The following GLIS3 variants were observed in gnomAD, a reference collection of about 807,000 sequenced individuals.
GLIS3 encodes zinc finger protein GLIS3.
A neutral mutation model predicts 78.6 loss-of-function variants in GLIS3; 53 were observed. That is an observed-to-expected ratio of 0.67 (90% CI 0.54 to 0.85). GLIS3 has a LOEUF of 0.85. GLIS3 is among the 40% of genes least tolerant of loss of function. The pLI is 0.00. For missense variants in GLIS3, 1,703 were observed against 1,231.1 expected, an observed-to-expected ratio of 1.38 and a Z score of -5.74; for synonymous variants, 684 against 509.9, an observed-to-expected ratio of 1.34 and a Z score of -4.60.
intron 2 of GLIS3, among the ~76,000 whole-genome samples, chr9:4,278,243 A>G (rs1311060634): frequency 6.6e-6 from 1 of 152,164 alleles, no homozygotes; most frequent in Non-Finnish European, 1.5e-5. Context: ...TCCGTAGAAA[A>G]GGCTTACAAG....
chr9:4,345,410 A>G lies in GLIS3; in HGVS notation n.264+1671T>C, dbSNP rs915808879. On this transcript the variant is annotated intron_variant and non_coding_transcript_variant, in intron 2 of 4. Transcript: ENST00000471664. ...TTTTCTTTTTTATGACAATTGACAT[A>G]TATTTTCCATATCTGTTTATTGTCT... Among the ~76,000 whole-genome samples the G allele has an allele frequency of 2.0e-5, 3 of 152,184 alleles. No homozygotes were observed. The South Asian group carries it at 6.2e-4, about 32-fold the overall frequency.
At chr9:4,345,112 C>A (rs1240212444) in intron 2 of GLIS3, among the ~76,000 whole-genome samples, 1 of 152,196 alleles carries the variant, frequency 6.6e-6, no homozygotes, top group African/African-American at 2.4e-5. Context: ...GCAAGTTTCC[C>A]CCTCAGAGCA....
intron 4 of GLIS3, among the ~76,000 whole-genome samples, chr9:3,982,319 A>G (rs1425650934): frequency 6.6e-6 from 1 of 151,840 alleles, no homozygotes; most frequent in Admixed American, 6.6e-5. Context: ...CGCAGCTCCT[A>G]TCCAAGGCAA....
intron 1 of GLIS3, among the ~76,000 whole-genome samples, chr9:4,291,401 G>A (rs1018654019): frequency 6.6e-6 from 1 of 151,912 alleles, no homozygotes; most frequent in Non-Finnish European, 1.5e-5. Flanking sequence ...CTGTCAATTC[G>A]AACCTGTGCA....
chr9:4,056,175 A>G (rs1437892842), intron 4 of GLIS3, among the ~76,000 whole-genome samples: 2 of 152,352 alleles, frequency 1.3e-5, no homozygotes, highest in Non-Finnish European at 2.9e-5. Context: ...GGGGTTTGCA[A>G]TAGCAGGGTG....
chr9:3,928,855 T>C (rs980952694), intron 6 of GLIS3, among the ~76,000 whole-genome samples: 5 of 152,198 alleles, frequency 3.3e-5, no homozygotes, highest in African/African-American at 1.2e-4. Context: ...AAGTGTGAAA[T>C]GGATGAAAGA....
At chr9:4,142,070 A>T (rs954309131) in intron 2 of GLIS3, among the ~76,000 whole-genome samples, 6 of 152,342 alleles carry the variant, frequency 3.9e-5, no homozygotes, top group African/African-American at 1.4e-4. Context: ...AATTAGGTCA[A>T]AAAATGAGGA....
At chr9:4,328,676 C>T (rs1817638313) in intron 2 of GLIS3, among the ~76,000 whole-genome samples, 1 of 152,228 alleles carries the variant, frequency 6.6e-6, no homozygotes, top group South Asian at 2.1e-4. Context: ...TCTTGCTCTG[C>T]CTCTCTATAG....
chr9:4,073,518 TCAGGGTGGGA>T (rs1827788729), intron 4 of GLIS3, among the ~76,000 whole-genome samples: 1 of 152,070 alleles, frequency 6.6e-6, no homozygotes, highest in Non-Finnish European at 1.5e-5. Flanking sequence ...AGACAGACAC[TCAGGGTGGGA>T]CAGGTAGGCA....
the GLIS3 span, among the ~76,000 whole-genome samples, chr9:4,359,597 T>C: frequency 6.6e-6 from 1 of 152,190 alleles, no homozygotes; most frequent in African/African-American, 2.4e-5. Context: ...TAATATTTTG[T>C]AGAAAGAACT....
At chr9:4,360,823 G>C in the GLIS3 span, among the ~76,000 whole-genome samples, 1 of 152,212 alleles carries the variant, frequency 6.6e-6, no homozygotes, top group African/African-American at 2.4e-5. Flanking sequence ...CTTGGGAGCA[G>C]GCATTTCCTA....
chr9:4,263,380 A>C (rs564356383), intron 2 of GLIS3, among the ~76,000 whole-genome samples: 1 of 152,318 alleles, frequency 6.6e-6, no homozygotes, highest in Non-Finnish European at 1.5e-5. Flanking sequence ...ATGTGAGATA[A>C]ATGTTGAACC....
At chr9:4,451,155 T>G in the GLIS3 span, among the ~76,000 whole-genome samples, 23 of 151,974 alleles carry the variant, frequency 1.5e-4, no homozygotes, top group African/African-American at 5.6e-4. Context: ...TGGAGGAAGA[T>G]CTACCAAGCA....
intron 2 of GLIS3, among the ~76,000 whole-genome samples, chr9:4,263,797 T>G (rs1436668394): frequency 6.6e-6 from 1 of 152,190 alleles, no homozygotes; most frequent in African/African-American, 2.4e-5. Flanking sequence ...ACTTGTTAAC[T>G]TGGTTTCTGA....
At chr9:4,224,940 G>C (rs1446397040) in intron 2 of GLIS3, among the ~76,000 whole-genome samples, 1 of 151,626 alleles carries the variant, frequency 6.6e-6, no homozygotes, top group Non-Finnish European at 1.5e-5. Flanking sequence ...ATCACTATGA[G>C]TATCGTTATC....
chr9:4,196,641 G>C (rs537563216), intron 2 of GLIS3, among the ~76,000 whole-genome samples: 150 of 152,224 alleles, frequency 9.9e-4, no homozygotes, highest in Non-Finnish European at 1.8e-3. Context: ...AAGCCAGTGA[G>C]ACCACAAACC....
chr9:4,411,014 T>A, the GLIS3 span, among the ~76,000 whole-genome samples: 1 of 152,180 alleles, frequency 6.6e-6, no homozygotes, highest in African/African-American at 2.4e-5. Context: ...CCTTTACACA[T>A]TTGTAAGAAC....
At chr9:4,343,319 G>C (rs775408443) in intron 2 of GLIS3, among the ~76,000 whole-genome samples, 39 of 152,174 alleles carry the variant, frequency 2.6e-4, no homozygotes, top group Non-Finnish European at 8.8e-5. Flanking sequence ...TCCAGCATGG[G>C]CAACAGAGCT....
At chr9:4,368,401 G>A in the GLIS3 span, among the ~76,000 whole-genome samples, 1 of 150,224 alleles carries the variant, frequency 6.7e-6, no homozygotes, top group Non-Finnish European at 1.5e-5. Context: ...CTGGAGTGTA[G>A]TGGCACAATC....
Sources: gnomAD v4.1 joint callset for allele counts (sites outside exome capture counted in the v4.1 genomes callset) on GRCh38, gnomAD v4.1.1 for gene constraint, MANE v1.5 for transcripts, NCBI Gene and HGNC (gene_info 2026-07-23, HGNC 2026-07-21) for gene names.